XRCC4: variants seen among roughly 807,000 people sequenced by gnomAD.
The protein encoded by XRCC4 is DNA repair protein XRCC4.
XRCC4 carries 28 observed loss-of-function variants against 39.1 expected under a neutral mutation model. The ratio of observed to expected loss-of-function variants is 0.72; its 90% CI spans 0.53 to 0.98. The LOEUF (loss-of-function observed/expected upper bound fraction) is 0.98. Among genes scored for constraint, XRCC4 ranks in the 50% least tolerant of loss-of-function variants. The probability of loss-of-function intolerance (pLI) is 0.00; values close to 1 mark genes in which losing one functional copy is unlikely to be tolerated. For synonymous variants in XRCC4, 123 were observed against 126.4 expected (o/e 0.97, Z 0.18); for missense variants, 350 against 376.4 (o/e 0.93, Z 0.58).
At chr5:83,231,391 C>A (rs1321740763) in intron 6 of XRCC4, among the ~76,000 whole-genome samples, 1 of 151,992 alleles carries the variant, frequency 6.6e-6, no homozygotes, top group Non-Finnish European at 1.5e-5. Context: ...AGCGTTAATT[C>A]TGCATCACCA....
chr5:83,287,067 G>A (rs1754760989), intron 7 of XRCC4, among the ~76,000 whole-genome samples: 1 of 152,018 alleles, frequency 6.6e-6, no homozygotes. Flanking sequence ...GTGTATCTAG[G>A]ATTTGTTAGG....
chr5:83,281,818 C>G (rs1367053918), intron 7 of XRCC4, among the ~76,000 whole-genome samples: 2 of 152,174 alleles, frequency 1.3e-5, no homozygotes, highest in African/African-American at 4.8e-5. Flanking sequence ...CTCTCCTGCC[C>G]TTTTCATTTC....
chr5:83,308,438 T>A (rs1217340275), intron 7 of XRCC4, among the ~76,000 whole-genome samples: 1 of 152,118 alleles, frequency 6.6e-6, no homozygotes, highest in Non-Finnish European at 1.5e-5. Context: ...TTTTAACCAT[T>A]TATATTTTGG....
intron 7 of XRCC4, among the ~76,000 whole-genome samples, chr5:83,347,584 G>A (rs1237321486): frequency 6.6e-6 from 1 of 152,132 alleles, no homozygotes; most frequent in Non-Finnish European, 1.5e-5. Context: ...CCATGATCCA[G>A]TCACTTCCCA....
chr5:83,248,451 C>A (rs1241982914), intron 6 of XRCC4, among the ~76,000 whole-genome samples: 1 of 152,038 alleles, frequency 6.6e-6, no homozygotes, highest in Non-Finnish European at 1.5e-5. Context: ...TTAGACAGAT[C>A]TAAGAACTGT....
chr5:83,158,100 T>G (rs1320801578), intron 3 of XRCC4, among the ~76,000 whole-genome samples: 2 of 152,068 alleles, frequency 1.3e-5, no homozygotes, highest in Non-Finnish European at 2.9e-5. Flanking sequence ...ATATGAGATT[T>G]TATCTCTTGA....
intron 6 of XRCC4, among the ~76,000 whole-genome samples, chr5:83,233,829 G>A (rs1231269840): frequency 6.6e-6 from 1 of 150,740 alleles, no homozygotes; most frequent in Non-Finnish European, 1.5e-5. Flanking sequence ...TTGAACCTGG[G>A]AGGTGGAGGT....
At chr5:83,168,618 C>G (rs1054191478) in intron 3 of XRCC4, among the ~76,000 whole-genome samples, 9 of 152,020 alleles carry the variant, frequency 5.9e-5, no homozygotes, top group Non-Finnish European at 1.2e-4. Context: ...TAAGTATGTA[C>G]TAGGCCATAA....
At chr5:83,193,215 A>T (rs953108514) in intron 3 of XRCC4, among the ~76,000 whole-genome samples, 1 of 152,116 alleles carries the variant, frequency 6.6e-6, no homozygotes, top group Non-Finnish European at 1.5e-5. Flanking sequence ...AAGGTGAAAG[A>T]GTGCCTCCTG....
chr5:83,324,223 T>G (rs1253988655), intron 7 of XRCC4, among the ~76,000 whole-genome samples: 1 of 152,106 alleles, frequency 6.6e-6, no homozygotes, highest in African/African-American at 2.4e-5. Context: ...TATGTTAACT[T>G]TTTTATTTTT....
Position 83,267,535 on chromosome 5 carries a change from C to T in XRCC4, c.893+8858C>T, listed in dbSNP as rs201461384. Among the ~76,000 whole-genome samples, 11 of 152,222 alleles carry T rather than the reference C, an allele frequency of 7.2e-5. No individual in the cohort carries two copies. The East Asian group carries it at 1.7e-3, about 24-fold the overall frequency. On this transcript the variant is annotated intron_variant, in intron 7 of 7. Transcript: ENST00000396027. ...GGATCTTGCCCATAAAACGATTGGG[C>T]ATACATTCCTATGTCTCTTTCTTCC...
At position 83,248,434 on chromosome 5, in the gene XRCC4, A is replaced by G. The variant is rs559875708; in HGVS notation, c.746-10096A>G. Among the ~76,000 whole-genome samples the G allele has an allele frequency of 5.3e-5, 8 of 152,296 alleles. No individual in the cohort carries two copies. The East Asian group carries it at 1.5e-3, about 29-fold the overall frequency. The stretch of plus-strand genomic sequence containing the variant: ...AACTGTGGAAGTATTGGAGATGCGG[A>G]TAATTATTAGACAGATCTAAGAACT... On this transcript the variant is annotated intron_variant, in intron 6 of 7. Transcript: ENST00000396027.
intron 3 of XRCC4, among the ~76,000 whole-genome samples, chr5:83,167,529 C>T (rs542056729): frequency 2.6e-4 from 40 of 152,262 alleles, no homozygotes; most frequent in Non-Finnish European, 5.0e-4. Context: ...TTATGCTGCA[C>T]TGGCCAGGGG....
intron 5 of XRCC4, among the ~76,000 whole-genome samples, chr5:83,204,533 A>G (rs1751342880): frequency 6.6e-6 from 1 of 152,066 alleles, no homozygotes; most frequent in South Asian, 2.1e-4. Flanking sequence ...TTTGTTAGAA[A>G]AAGTATTTTG....
intron 7 of XRCC4, among the ~76,000 whole-genome samples, chr5:83,285,684 C>T (rs1754709467): frequency 6.6e-6 from 1 of 152,118 alleles, no homozygotes; most frequent in Non-Finnish European, 1.5e-5. Context: ...TATTGTGCAA[C>T]TAATTAATAT....
chr5:83,182,116 A>G (rs967197428), intron 3 of XRCC4, among the ~76,000 whole-genome samples: 1 of 152,150 alleles, frequency 6.6e-6, no homozygotes, highest in Admixed American at 6.6e-5. Flanking sequence ...CTGTTACCAG[A>G]ATGGAAGGGA....
At chr5:83,086,907 G>A (rs1745207167) in intron 1 of XRCC4, among the ~76,000 whole-genome samples, 1 of 152,000 alleles carries the variant, frequency 6.6e-6, no homozygotes, top group African/African-American at 2.4e-5. Flanking sequence ...GTACCTAAAT[G>A]CCTAACCATG....
chr5:83,295,623 A>C (rs192539872), intron 7 of XRCC4, among the ~76,000 whole-genome samples: 1 of 152,158 alleles, frequency 6.6e-6, no homozygotes, highest in Admixed American at 6.6e-5. Flanking sequence ...GAGGTATTCC[A>C]TGAAGAAAGA....
chr5:83,189,501 A>G (rs1750599261), intron 3 of XRCC4, among the ~76,000 whole-genome samples: 2 of 152,224 alleles, frequency 1.3e-5, no homozygotes, highest in African/African-American at 4.8e-5. Context: ...AAGATCCAAA[A>G]TACATGGAGC....
Sources: gnomAD v4.1 joint callset for allele counts (sites outside exome capture counted in the v4.1 genomes callset) on GRCh38, gnomAD v4.1.1 for gene constraint, MANE v1.5 for transcripts, NCBI Gene and HGNC (gene_info 2026-07-23, HGNC 2026-07-21) for gene names.